The following SH3RF3 variants were observed in gnomAD, a reference collection of about 807,000 sequenced individuals.
The protein encoded by SH3RF3 is E3 ubiquitin-protein ligase SH3RF3.
In SH3RF3, 29 loss-of-function variants were observed where a neutral mutation model predicts 66.3. That is an observed-to-expected ratio of 0.44 (90% CI 0.33 to 0.60). The LOEUF (loss-of-function observed/expected upper bound fraction) is 0.60, where lower values mean the gene tolerates loss of function less well. Among genes scored for constraint, SH3RF3 ranks in the 20% least tolerant of loss-of-function variants. The pLI is 0.04. For synonymous variants in SH3RF3, 583 were observed against 532.0 expected, an observed-to-expected ratio of 1.10 and a Z score of -1.32; for missense variants, 1,194 against 1,190.9, an observed-to-expected ratio of 1.00 and a Z score of -0.04.
intron 1 of SH3RF3, among the ~76,000 whole-genome samples, chr2:109,329,080 G>T (rs936855549): frequency 6.6e-6 from 1 of 152,110 alleles, no homozygotes; most frequent in East Asian, 1.9e-4. Context: ...TTTCTTCTGG[G>T]AATATTTATC....
chr2:109,381,604 G>C (rs917306758), intron 3 of SH3RF3, among the ~76,000 whole-genome samples: 4 of 151,820 alleles, frequency 2.6e-5, no homozygotes, highest in African/African-American at 9.7e-5. Flanking sequence ...TACCTTTCCT[G>C]CTTGAGTAAG....
intron 9 of SH3RF3, among the ~76,000 whole-genome samples, chr2:109,491,797 A>G (rs1360068385): frequency 2.0e-5 from 3 of 151,894 alleles, no homozygotes; most frequent in Non-Finnish European, 1.5e-5. Context: ...AACACAAACA[A>G]CCTCCCAAAA....
rs373486336 is a variant in SH3RF3 at position 109,502,800 on chromosome 2, C to CA, written c.*1131dup. 65 of 152,338 alleles carry CA rather than the reference C, an allele frequency of 4.3e-4. 1 individual carries two copies. Among genetic ancestry groups the CA allele is most frequent in the African/African-American group, 1.5e-3 (64 of 41,578 alleles). 9.4% of individuals were successfully genotyped at this position (152,338 alleles called of 1,614,324 possible). A position where few individuals can be genotyped will look rare whatever the true frequency, so the allele number is the denominator to read the frequency against. On this transcript the variant is annotated 3_prime_UTR_variant, in exon 10 of 10. Transcript: ENST00000309415. ...CCCTTTATTGCCTCAGAGAGAACTGCAATTAGCATTCTCAGAAGATGATTT... is the reference window on the plus strand; with the variant it reads ...CCCTTTATTGCCTCAGAGAGAACTGCAAATTAGCATTCTCAGAAGATGATTT...
chr2:109,184,738 C>T (rs1678149690), intron 1 of SH3RF3, among the ~76,000 whole-genome samples: 1 of 152,210 alleles, frequency 6.6e-6, no homozygotes, highest in Non-Finnish European at 1.5e-5. Flanking sequence ...GTGCAGCCTC[C>T]TATTCTGCCA....
chr2:109,196,663 G>T (rs1386013994), intron 1 of SH3RF3, among the ~76,000 whole-genome samples: 1 of 152,206 alleles, frequency 6.6e-6, no homozygotes, highest in Non-Finnish European at 1.5e-5. Flanking sequence ...GCTGGCTGAG[G>T]TCTGGTTGCA....
At position 109,477,916 on chromosome 2, in the gene SH3RF3, C is replaced by G. The variant is rs554790549; in HGVS notation, c.2149-12689C>G. ...TGCATTCAAGTGCAGCAGCCCCACA[C>G]CCTTGGCATGGACCTGCAGGAAAGA... On this transcript the variant is annotated intron_variant, in intron 8 of 9. Transcript: ENST00000309415. Among the ~76,000 whole-genome samples, 483 of 152,340 alleles carry G rather than the reference C, an allele frequency of 3.2e-3. 2 individuals carry two copies. Among genetic ancestry groups the G allele is most frequent in the Non-Finnish European group, 4.6e-3 (312 of 68,034 alleles).
intron 3 of SH3RF3, among the ~76,000 whole-genome samples, chr2:109,379,123 T>G (rs1346197130): frequency 6.6e-6 from 1 of 152,228 alleles, no homozygotes; most frequent in African/African-American, 2.4e-5. Context: ...TGCGTTCTGC[T>G]GTCCCATATC....
rs532752803 is a variant in SH3RF3, at chr2:109,265,280, G to A, written c.574-82394G>A. 1.1e-4 allele frequency among the ~76,000 whole-genome samples: 16 copies of A among 152,320 alleles called. No homozygotes were observed. The South Asian group carries it at 3.1e-3, about 30-fold the overall frequency. On this transcript the variant is annotated intron_variant, in intron 1 of 9. Transcript: ENST00000309415. The stretch of plus-strand genomic sequence containing the variant: ...GCCAGGGGAGCTCTGAGGGCAGCTC[G>A]TGGGCTGTGTTCGCCAACTGCTGGA...
intron 1 of SH3RF3, among the ~76,000 whole-genome samples, chr2:109,332,442 G>A (rs1330297189): frequency 2.6e-5 from 4 of 152,150 alleles, no homozygotes; most frequent in Admixed American, 6.5e-5. Flanking sequence ...CTTCCTGGAC[G>A]GGCTTGGGGC....
At chr2:109,146,133 T>C (rs922941995) in intron 1 of SH3RF3, among the ~76,000 whole-genome samples, 12 of 152,230 alleles carry the variant, frequency 7.9e-5, no homozygotes, top group Non-Finnish European at 1.6e-4. Context: ...CCACTGTTAC[T>C]GTTCTTGAGT....
chr2:109,248,877 TTCCTGTCCTTTCCTGTCCTGTCCTG>T (rs1480697334), intron 1 of SH3RF3, among the ~76,000 whole-genome samples: 5 of 76,734 alleles, frequency 6.5e-5, no homozygotes, highest in Non-Finnish European at 1.0e-4. Context: ...TTCCTTTCCT[TTCCTGTCCTTTCCTGTCCTGTCCTG>T]TCCTGTCCTG....
chr2:109,349,729 C>A lies in SH3RF3; in HGVS notation c.849+1780C>A, dbSNP rs113462546. Among the ~76,000 whole-genome samples, 4 of 152,344 alleles carry A rather than the reference C, an allele frequency of 2.6e-5. No individual in the cohort carries two copies. In the East Asian group the frequency reaches 5.8e-4, roughly 22 times the overall value. On this transcript the variant is annotated intron_variant, in intron 2 of 9. Coordinates refer to ENST00000309415, the MANE Select transcript of SH3RF3 (RefSeq NM_001099289.3). ...TCCACTCGGGAGAACCCACTGTGAA[C>A]GGGCTGTCGCAGGGCCCTGGAGCCT... is the stretch of plus-strand genomic sequence containing the variant.
chr2:109,470,186 C>T (rs1458571730), intron 8 of SH3RF3, among the ~76,000 whole-genome samples: 2 of 152,130 alleles, frequency 1.3e-5, no homozygotes, highest in Admixed American at 6.6e-5. Flanking sequence ...ACCAAAGGCT[C>T]CTGGGACCTC....
chr2:109,267,476 G>T (rs1396932283), intron 1 of SH3RF3, among the ~76,000 whole-genome samples: 1 of 152,214 alleles, frequency 6.6e-6, no homozygotes, highest in African/African-American at 2.4e-5. Flanking sequence ...TAAAGACAGA[G>T]TCAGTGTTGC....
intron 1 of SH3RF3, chr2:109,251,742 A>C: frequency 4.6e-6 from 3 of 645,934 alleles, no homozygotes; most frequent in South Asian, 1.9e-5. Flanking sequence ...TTTTCATATT[A>C]GACTTTTTGT....
chr2:109,368,806 T>G (rs577271312), intron 2 of SH3RF3, among the ~76,000 whole-genome samples: 204 of 152,294 alleles, frequency 1.3e-3, no homozygotes, highest in Non-Finnish European at 2.5e-3. Context: ...AAAATTAAAT[T>G]TCTATCTTGT....
chr2:109,486,489 A>T (rs1431261832), intron 8 of SH3RF3, among the ~76,000 whole-genome samples: 1 of 152,246 alleles, frequency 6.6e-6, no homozygotes, highest in Non-Finnish European at 1.5e-5. Flanking sequence ...AAACTATTTA[A>T]TATTCAGAGA....
At chr2:109,371,711 C>G (rs776832262) in intron 3 of SH3RF3, 30 bp downstream of exon 3, 1 of 1,596,288 alleles carries the variant, frequency 6.3e-7, no homozygotes, top group Non-Finnish European at 8.6e-7. Context: ...CCACACTTGG[C>G]TCCTTCTTGC....
intron 3 of SH3RF3, among the ~76,000 whole-genome samples, chr2:109,378,498 G>C (rs1293888571): frequency 2.0e-5 from 3 of 152,170 alleles, no homozygotes; most frequent in African/African-American, 7.2e-5. Context: ...TGCTTCTGAG[G>C]CACCCTCCTT....
Sources: allele counts gnomAD v4.1 joint callset (sites outside exome capture counted in the v4.1 genomes callset), GRCh38; gene constraint gnomAD v4.1.1; transcripts MANE v1.5; gene names NCBI Gene and HGNC (gene_info 2026-07-23, HGNC 2026-07-21).